The following FBXO42 variants were observed in gnomAD, a reference collection of about 807,000 sequenced individuals.
FBXO42 encodes the protein F-box protein 42.
Under a neutral mutation model 71.7 loss-of-function variants are expected in FBXO42, and 12 were observed. That is an observed-to-expected ratio of 0.17 (90% confidence interval 0.11 to 0.27). The LOEUF (loss-of-function observed/expected upper bound fraction) is 0.27. Among genes scored for constraint, FBXO42 ranks in the 10% least tolerant of loss-of-function variants. FBXO42 has a pLI of 1.00. For synonymous variants in FBXO42, 325 were observed against 327.5 expected, an observed-to-expected ratio of 0.99 and a Z score of 0.08; for missense variants, 707 against 911.9, an observed-to-expected ratio of 0.78 and a Z score of 2.89.
intron 4 of FBXO42, among the ~76,000 whole-genome samples, chr1:16,263,506 G>A (rs1158667003): frequency 6.6e-6 from 1 of 151,816 alleles, no homozygotes; most frequent in African/African-American, 2.4e-5. Context: ...TGGATCACCT[G>A]AGGTCAGAAG....
Position 16,255,880 on chromosome 1 carries a change from T to C in FBXO42, c.657-59A>G, listed in dbSNP as rs2081637971. ...CAGCACCACACACTTTATGTAAAAA[T>C]AGTAAGTAGGCATCCATTTAAAATG... is the stretch of plus-strand genomic sequence containing the variant. On this transcript the variant is annotated intron_variant, in intron 5 of 9. Transcript: ENST00000375592. The C allele has an allele frequency of 1.1e-5, 13 of 1,183,250 alleles. No homozygotes were observed. In the South Asian group the frequency reaches 1.8e-4, roughly 16 times the overall value. The allele number at this position is 1,183,250 out of a possible 1,614,324, so 73.3% of individuals were successfully genotyped here. A position where few individuals can be genotyped will look rare whatever the true frequency, so the allele number is the denominator to read the frequency against.
chr1:16,349,964 T>C lies in FBXO42; in HGVS notation c.-18+2291A>G, dbSNP rs113422303. On this transcript the variant is annotated intron_variant, in intron 1 of 9. Transcript: ENST00000375592. ...AGATAGCTTCTCCCTGGGACCTCAGTGTTCTCATAAAACTCAGACGTTTTG... is the reference window on the plus strand; with the variant it reads ...AGATAGCTTCTCCCTGGGACCTCAGCGTTCTCATAAAACTCAGACGTTTTG... Among the ~76,000 whole-genome samples the C allele has an allele frequency of 7.4e-4, 113 of 152,350 alleles. 2 individuals carry two copies. Among genetic ancestry groups the C allele is most frequent in the Non-Finnish European group, 2.5e-4 (17 of 68,030 alleles).
Position 16,251,812 on chromosome 1 carries a change from A to G in FBXO42, c.1039-27T>C, listed in dbSNP as rs2081595312. On this transcript the variant is annotated intron_variant, in intron 9 of 9. Transcript: ENST00000375592. This position sits in a 1 kb window ranked among gnomAD's most constrained non-coding sequence, Gnocchi z 4.5. ...TGGAAGACAAAGGACCAGTGCTCACACTCTTCTATGATTCTGATTGTTCAT... is the reference window on the plus strand; with the variant it reads ...TGGAAGACAAAGGACCAGTGCTCACGCTCTTCTATGATTCTGATTGTTCAT... The G allele has an allele frequency of 6.3e-7, 1 of 1,591,772 alleles. No individual in the cohort carries two copies. The highest frequency in any genetic ancestry group is 1.7e-5 in the Admixed American group (1 of 57,362).
intron 2 of FBXO42, among the ~76,000 whole-genome samples, chr1:16,308,960 C>G (rs1276658022): frequency 4.0e-5 from 6 of 149,514 alleles, no homozygotes; most frequent in Non-Finnish European, 5.9e-5. Flanking sequence ...CCAAGCTGGT[C>G]TCAAACTCCT....
At chr1:16,340,341 G>A (rs542463999) in intron 1 of FBXO42, among the ~76,000 whole-genome samples, 4 of 151,114 alleles carry the variant, frequency 2.6e-5, no homozygotes, top group Admixed American at 2.0e-4. Context: ...TTTTTGAGAC[G>A]GAGTTTCACT....
intron 3 of FBXO42, among the ~76,000 whole-genome samples, chr1:16,301,533 G>A (rs1332636324): frequency 1.3e-5 from 2 of 151,700 alleles, no homozygotes; most frequent in African/African-American, 4.8e-5. Flanking sequence ...CGTGGTGGCA[G>A]GCACCTGTAA....
chr1:16,338,025 C>T (rs372201490), intron 1 of FBXO42, among the ~76,000 whole-genome samples: 1 of 150,938 alleles, frequency 6.6e-6, no homozygotes, highest in Non-Finnish European at 1.5e-5. Context: ...TTTGGGAGGC[C>T]GAGGCAGGTG....
chr1:16,276,392 A>AAAAG (rs1553150791), intron 4 of FBXO42, among the ~76,000 whole-genome samples: 6 of 151,538 alleles, frequency 4.0e-5, no homozygotes, highest in Admixed American at 6.6e-5. Flanking sequence ...AAAAAAAAAA[A>AAAAG]AAAAGAAAAG....
intron 1 of FBXO42, among the ~76,000 whole-genome samples, chr1:16,350,757 AAAAGAAAG>A (rs559971807): frequency 3.5e-3 from 154 of 44,270 alleles, no homozygotes; most frequent in African/African-American, 6.2e-3. Flanking sequence ...AAAAAAAAAA[AAAAGAAAG>A]AAAGAAAGAA....
chr1:16,332,563 A>G (rs1422879104), intron 1 of FBXO42, among the ~76,000 whole-genome samples: 1 of 144,744 alleles, frequency 6.9e-6, no homozygotes, highest in Non-Finnish European at 1.5e-5. Flanking sequence ...TTTTTTTGAG[A>G]CGGAGTTGTT....
chr1:16,296,379 C>T (rs1043758480), intron 3 of FBXO42, among the ~76,000 whole-genome samples: 1 of 149,976 alleles, frequency 6.7e-6, no homozygotes, highest in Non-Finnish European at 1.5e-5. Flanking sequence ...AGGCCAGGTG[C>T]AGTGGCTCAT....
In FBXO42 at chr1:16,260,505, G is replaced by C. The variant is rs189635539; in HGVS notation, c.503-3746C>G. ...ATTACAGGTGTGAGCCACCGCGCCTGGCCCAATTACTATGCAGCTTTTTAA... is the reference window on the plus strand; with the variant it reads ...ATTACAGGTGTGAGCCACCGCGCCTCGCCCAATTACTATGCAGCTTTTTAA... On this transcript the variant is annotated intron_variant, in intron 4 of 9. Coordinates refer to ENST00000375592, the MANE Select transcript of FBXO42 (RefSeq NM_018994.3). Among the ~76,000 whole-genome samples the C allele has an allele frequency of 9.9e-5, 15 of 152,030 alleles. No individual in the cohort carries two copies. In the East Asian group the frequency reaches 2.9e-3, roughly 29 times the overall value.
chr1:16,253,818 C>T (rs2081614584), intron 6 of FBXO42, 87 bp from the exon 7 acceptor site: 1 of 1,216,082 alleles, frequency 8.2e-7, no homozygotes, highest in Admixed American at 1.9e-5. Context: ...GCCTGTGGCC[C>T]ATCTGGCAAA....
intron 1 of FBXO42, among the ~76,000 whole-genome samples, chr1:16,343,171 T>C (rs1002352783): frequency 1.3e-5 from 2 of 152,244 alleles, no homozygotes; most frequent in African/African-American, 4.8e-5. Flanking sequence ...ATTCCCTATA[T>C]TAAATTTCCT....
chr1:16,305,986 G>T, intron 2 of FBXO42, 67 bp from the exon 3 acceptor site: 1 of 1,052,072 alleles, frequency 9.5e-7, no homozygotes, highest in Non-Finnish European at 1.4e-6. Context: ...TTAAAACTGT[G>T]TCTATTACCT....
At chr1:16,337,123 G>C (rs2100621969) in intron 1 of FBXO42, among the ~76,000 whole-genome samples, 1 of 152,266 alleles carries the variant, frequency 6.6e-6, no homozygotes, top group South Asian at 2.1e-4. Flanking sequence ...CAAATCATTA[G>C]GTACTCAGAG....
At chr1:16,349,084 TG>T (rs1296959242) in intron 1 of FBXO42, among the ~76,000 whole-genome samples, 1 of 152,182 alleles carries the variant, frequency 6.6e-6, no homozygotes, top group Non-Finnish European at 1.5e-5. Context: ...AAGCCATAAC[TG>T]GGGCATACTG....
intron 2 of FBXO42, among the ~76,000 whole-genome samples, chr1:16,307,209 AG>A (rs1362631262): frequency 6.6e-6 from 1 of 152,190 alleles, no homozygotes; most frequent in African/African-American, 2.4e-5. Flanking sequence ...GTTTTCTAAA[AG>A]ATGAGAGGCC....
intron 3 of FBXO42, among the ~76,000 whole-genome samples, chr1:16,297,250 C>A (rs1248278248): frequency 2.6e-5 from 4 of 152,018 alleles, no homozygotes; most frequent in African/African-American, 9.7e-5. Flanking sequence ...AGCCCCCCAC[C>A]TTCTTTTATT....
Sources: gnomAD v4.1 joint callset for allele counts (sites outside exome capture counted in the v4.1 genomes callset) on GRCh38, gnomAD v4.1.1 for gene constraint, Gnocchi (gnomAD v3.1) non-coding constraint, MANE v1.5 for transcripts, NCBI Gene and HGNC (gene_info 2026-07-23, HGNC 2026-07-21) for gene names.